The following CACNA2D3 variants were observed in gnomAD, a reference collection of about 807,000 sequenced individuals.
CACNA2D3 encodes voltage-dependent calcium channel subunit alpha-2/delta-3.
CACNA2D3 carries 60 observed loss-of-function variants against 160.6 expected under a neutral mutation model. That is an observed-to-expected ratio of 0.37 (90% CI 0.30 to 0.46). The LOEUF (loss-of-function observed/expected upper bound fraction) is 0.46, where lower values mean the gene tolerates loss of function less well. Among genes scored for constraint, CACNA2D3 ranks in the 20% least tolerant of loss-of-function variants. The probability of loss-of-function intolerance (pLI) is 1.00; values close to 1 mark genes in which losing one functional copy is unlikely to be tolerated. For missense variants in CACNA2D3, 1,205 were observed against 1,365.0 expected, an observed-to-expected ratio of 0.88 and a Z score of 1.85; for synonymous variants, 558 against 492.9, an observed-to-expected ratio of 1.13 and a Z score of -1.75.
intron 11 of CACNA2D3, among the ~76,000 whole-genome samples, chr3:54,670,664 T>C (rs1275919496): frequency 6.6e-6 from 1 of 152,228 alleles, no homozygotes; most frequent in African/African-American, 2.4e-5. Context: ...TTAGCTGGAC[T>C]GTCAGGGTCC....
chr3:54,914,462 T>C (rs1264940652), intron 27 of CACNA2D3, among the ~76,000 whole-genome samples: 3 of 152,232 alleles, frequency 2.0e-5, no homozygotes, highest in Non-Finnish European at 4.4e-5. Context: ...CAAGGTCGTC[T>C]TGATGGGCCT....
chr3:54,921,941 T>C (rs1575376349), intron 27 of CACNA2D3, among the ~76,000 whole-genome samples: 2 of 149,078 alleles, frequency 1.3e-5, no homozygotes, highest in African/African-American at 2.4e-5. Flanking sequence ...TTGACTCATA[T>C]CTGTTCCCTT....
chr3:54,195,924 C>T (rs748273151), intron 2 of CACNA2D3, among the ~76,000 whole-genome samples: 1 of 152,222 alleles, frequency 6.6e-6, no homozygotes, highest in Non-Finnish European at 1.5e-5. Context: ...TCTAAACACA[C>T]ATTTTACAAT....
intron 11 of CACNA2D3, among the ~76,000 whole-genome samples, chr3:54,736,044 T>TACACACAC (rs1173062299): frequency 1.6e-3 from 83 of 50,500 alleles, no homozygotes; most frequent in Non-Finnish European, 2.6e-3. Context: ...TGTATATATA[T>TACACACAC]ACACATACAT....
At chr3:54,475,263 G>T (rs1316254501) in intron 4 of CACNA2D3, among the ~76,000 whole-genome samples, 2 of 152,146 alleles carry the variant, frequency 1.3e-5, no homozygotes, top group East Asian at 3.9e-4. Flanking sequence ...AATGTTCTCT[G>T]TGTGCAACAA....
At chr3:55,011,492 A>G (rs9311546) in intron 34 of CACNA2D3, among the ~76,000 whole-genome samples, 106,818 of 152,048 alleles carry the variant, frequency 0.7, 37,972 homozygotes, top group African/African-American at 0.74. Context: ...AACACTAAAG[A>G]CCATTTTACA....
intron 9 of CACNA2D3, among the ~76,000 whole-genome samples, chr3:54,617,420 T>A (rs1344069915): frequency 1.3e-5 from 2 of 152,164 alleles, no homozygotes; most frequent in African/African-American, 4.8e-5. Context: ...TCAGACGTGG[T>A]GATGCGATCC....
chr3:54,130,292 C>T (rs948375997), intron 2 of CACNA2D3, among the ~76,000 whole-genome samples: 16 of 152,192 alleles, frequency 1.1e-4, no homozygotes, highest in African/African-American at 3.6e-4. Flanking sequence ...TTTGTTCCAT[C>T]TCCAATGAAA....
chr3:54,881,101 T>C (rs1699786519), intron 21 of CACNA2D3, among the ~76,000 whole-genome samples: 1 of 152,210 alleles, frequency 6.6e-6, no homozygotes, highest in Admixed American at 6.5e-5. Context: ...ACTTATATTC[T>C]ACTTTCATCC....
At chr3:54,882,917 T>TA (rs1030112004) in intron 21 of CACNA2D3, among the ~76,000 whole-genome samples, 92 of 152,356 alleles carry the variant, frequency 6.0e-4, no homozygotes, top group African/African-American at 2.2e-3. Context: ...TAGCTTTTGC[T>TA]AAAAAATATA....
At chr3:54,857,486 G>T (rs1375544710) in intron 17 of CACNA2D3, among the ~76,000 whole-genome samples, 1 of 152,116 alleles carries the variant, frequency 6.6e-6, no homozygotes, top group Non-Finnish European at 1.5e-5. Flanking sequence ...TCTCAGGTGG[G>T]GTGTCTCTGA....
At chr3:54,316,671 G>A (rs1175146708) in intron 2 of CACNA2D3, among the ~76,000 whole-genome samples, 1 of 152,190 alleles carries the variant, frequency 6.6e-6, no homozygotes, top group Non-Finnish European at 1.5e-5. Flanking sequence ...ATTAGTTAGC[G>A]ATGTTACAGG....
intron 4 of CACNA2D3, among the ~76,000 whole-genome samples, chr3:54,398,236 A>C (rs2106689948): frequency 7.9e-6 from 1 of 127,020 alleles, no homozygotes; most frequent in South Asian, 3.1e-4. Flanking sequence ...GGGTTTCCTG[A>C]ATACAGCACA....
At chr3:54,623,522 AG>A (rs749656079) in intron 9 of CACNA2D3, among the ~76,000 whole-genome samples, 6 of 152,218 alleles carry the variant, frequency 3.9e-5, no homozygotes, top group Non-Finnish European at 7.3e-5. Context: ...TGGTGGGAGA[AG>A]GAAAATCAGA....
intron 2 of CACNA2D3, among the ~76,000 whole-genome samples, chr3:54,216,616 C>T (rs1701468059): frequency 1.3e-5 from 2 of 152,334 alleles, no homozygotes; most frequent in Non-Finnish European, 2.9e-5. Context: ...GTGATGGCTT[C>T]TTGCCCTCCA....
chr3:55,050,171 A>T (rs358464), intron 35 of CACNA2D3, among the ~76,000 whole-genome samples: 2 of 149,288 alleles, frequency 1.3e-5, no homozygotes, highest in Admixed American at 1.3e-4. Context: ...TATTTTGCTC[A>T]TTAGTTGATG....
chr3:54,141,086 T>TGTGTGTGTGTGTGTGTGC (rs61601297), intron 2 of CACNA2D3, among the ~76,000 whole-genome samples: 1 of 119,880 alleles, frequency 8.3e-6, no homozygotes, highest in Non-Finnish European at 1.8e-5. Flanking sequence ...TGTGTGTGTG[T>TGTGTGTGTGTGTGTGTGC]GCGCGCGCGC....
At chr3:54,960,190 A>C (rs1025379531) in intron 27 of CACNA2D3, among the ~76,000 whole-genome samples, 1 of 152,142 alleles carries the variant, frequency 6.6e-6, no homozygotes. Context: ...GGATGGTTAC[A>C]GATTAAAATA....
chr3:54,244,410 T>C (rs1702032051), intron 2 of CACNA2D3, among the ~76,000 whole-genome samples: 1 of 152,224 alleles, frequency 6.6e-6, no homozygotes, highest in South Asian at 2.1e-4. Context: ...AACACAGTAA[T>C]ATTTGTTGTT....
Sources: gnomAD v4.1 joint callset for allele counts (sites outside exome capture counted in the v4.1 genomes callset) on GRCh38, gnomAD v4.1.1 for gene constraint, MANE v1.5 for transcripts, NCBI Gene and HGNC (gene_info 2026-07-23, HGNC 2026-07-21) for gene names.